FAM131B: variants seen among roughly 807,000 people sequenced by gnomAD.
FAM131B encodes the protein family with sequence similarity 131 member B.
In FAM131B, 19 loss-of-function variants were observed where a neutral mutation model predicts 42.0. The observed-to-expected ratio is 0.45, with a 90% CI of 0.32 to 0.66. FAM131B has a LOEUF of 0.66. Among genes scored for constraint, FAM131B ranks in the 30% least tolerant of loss-of-function variants. The pLI, the probability that FAM131B is intolerant of heterozygous loss-of-function variation, is 0.05. For synonymous variants in FAM131B, 183 were observed against 177.6 expected (o/e 1.03, Z -0.24); for missense variants, 370 against 468.4 (o/e 0.79, Z 1.94).
rs145725764 is a variant in FAM131B, at chr7:143,359,123, C to T, written c.269-99G>A. On this transcript the variant is annotated intron_variant, in intron 4 of 6. Coordinates refer to ENST00000443739, the MANE Select transcript of FAM131B (RefSeq NM_001031690.3). This position sits in a 1 kb window ranked among gnomAD's most constrained non-coding sequence, Gnocchi z 5.4. ...CCACCCCAGCCCCATGAGGCTCCATCCCACTGGGCCAGGCTCCCCTAAGGA... is the reference window on the plus strand; with the variant it reads ...CCACCCCAGCCCCATGAGGCTCCATTCCACTGGGCCAGGCTCCCCTAAGGA... The T allele has an allele frequency of 7.0e-6, 9 of 1,287,268 alleles. No individual in the cohort carries two copies. The East Asian group carries it at 2.3e-4, about 32-fold the overall frequency. 79.7% of individuals were successfully genotyped at this position (1,287,268 alleles called of 1,614,324 possible).
chr7:143,370,558 C>T, the FAM131B span, among the ~76,000 whole-genome samples: 19 of 152,304 alleles, frequency 1.2e-4, no homozygotes, highest in African/African-American at 3.8e-4. Flanking sequence ...CTAAAACCCG[C>T]CAAAACCGAA....
the FAM131B span, chr7:143,381,592 T>C: frequency 1.2e-6 from 2 of 1,610,952 alleles, no homozygotes; most frequent in Non-Finnish European, 1.7e-6. Flanking sequence ...CCCGCCCGTC[T>C]CCCGCGATCT....
chr7:143,380,877 A>G, the FAM131B span: 1 of 747,504 alleles, frequency 1.3e-6, no homozygotes, highest in Non-Finnish European at 1.6e-6. The surrounding 1 kb of genome is among the most constrained non-coding windows in gnomAD (Gnocchi z 5.0). Context: ...GGGACCGGGT[A>G]ACGGCAGGCC....
At position 143,360,397 on chromosome 7, in the gene FAM131B, G is replaced by A. The variant is rs1372083915; in HGVS notation, c.29-248C>T. The A allele has an allele frequency of 2.9e-6, 4 of 1,358,848 alleles. No individual in the cohort carries two copies. The East Asian group carries it at 9.0e-5, about 30-fold the overall frequency. 84.2% of individuals were successfully genotyped at this position (1,358,848 alleles called of 1,614,324 possible). A position where few individuals can be genotyped will look rare whatever the true frequency, so the allele number is the denominator to read the frequency against. On this transcript the variant is annotated intron_variant, in intron 1 of 6. Coordinates refer to ENST00000443739, the MANE Select transcript of FAM131B (RefSeq NM_001031690.3). ...TTATTTGTTGTTGTTTATGTGGAGG[G>A]GTCAGAGGTTGGGTTTTATCAGAAA...
chr7:143,381,550 A>G, the FAM131B span: 1 of 1,603,942 alleles, frequency 6.2e-7, no homozygotes, highest in Non-Finnish European at 8.5e-7. Context: ...CCGGCGACCC[A>G]CCCCAGCAGC....
upstream of FAM131B, among the ~76,000 whole-genome samples, chr7:143,363,592 T>C (rs1280158649): frequency 6.6e-6 from 1 of 151,962 alleles, no homozygotes; most frequent in Non-Finnish European, 1.5e-5. Context: ...GGGGAGGAGA[T>C]GAAGGTCTAA....
intron 5 of FAM131B, 56 bp from the exon 6 acceptor site, chr7:143,357,479 C>G: frequency 6.5e-7 from 1 of 1,532,320 alleles, no homozygotes; most frequent in Admixed American, 1.8e-5. Flanking sequence ...TAGACATGTG[C>G]GTGGGGTAGG....
chr7:143,382,144 C>T, the FAM131B span: 1 of 981,280 alleles, frequency 1.0e-6, no homozygotes, highest in South Asian at 1.6e-5. Flanking sequence ...CGCTCTGGGA[C>T]CCCTGAGAGA....
the FAM131B span, chr7:143,382,104 C>A: frequency 1.6e-6 from 1 of 615,132 alleles, no homozygotes. Context: ...ACTCCCAGGG[C>A]GCCCTGCGCC....
chr7:143,365,023 G>A (rs1158957140), upstream of FAM131B, among the ~76,000 whole-genome samples: 1 of 152,194 alleles, frequency 6.6e-6, no homozygotes, highest in East Asian at 1.9e-4. Context: ...CAAATGGAGA[G>A]ATGGCTCCAA....
At chr7:143,367,250 G>A (rs894951591), upstream of FAM131B, among the ~76,000 whole-genome samples, 8 of 152,166 alleles carry the variant, frequency 5.3e-5, no homozygotes, top group Non-Finnish European at 7.4e-5. Context: ...TGGTTTCAGC[G>A]TTGGTGGTGG....
chr7:143,381,417 G>A, the FAM131B span: 1 of 1,240,880 alleles, frequency 8.1e-7, no homozygotes, highest in Non-Finnish European at 1.0e-6. Context: ...GCGGTGAGGC[G>A]CGGGGAGCGG....
upstream of FAM131B, among the ~76,000 whole-genome samples, chr7:143,363,685 C>G (rs1033373608): frequency 1.3e-5 from 2 of 152,122 alleles, no homozygotes; most frequent in African/African-American, 4.8e-5. Flanking sequence ...GGCAAGGAGA[C>G]CCTTTTGTCT....
the FAM131B span, among the ~76,000 whole-genome samples, chr7:143,374,465 C>G: frequency 6.6e-6 from 1 of 152,230 alleles, no homozygotes; most frequent in African/African-American, 2.4e-5. Context: ...TTTTAATTGT[C>G]CTTCACACAT....
the FAM131B span, chr7:143,381,144 G>A: frequency 1.0e-6 from 1 of 965,078 alleles, no homozygotes; most frequent in Non-Finnish European, 1.2e-6. Flanking sequence ...CCTCGGCGGA[G>A]CCTCCGGCCT....
At chr7:143,363,360 T>C (rs1804086249), upstream of FAM131B, among the ~76,000 whole-genome samples, 1 of 152,004 alleles carries the variant, frequency 6.6e-6, no homozygotes, top group African/African-American at 2.4e-5. Flanking sequence ...CAGGCCTGGT[T>C]GGGGATTGGA....
chr7:143,381,340 G>A, the FAM131B span: 25 of 1,142,630 alleles, frequency 2.2e-5, no homozygotes, highest in East Asian at 4.9e-5. Context: ...GCTCCGGACC[G>A]GGACGCAGAG....
chr7:143,359,677 AGAT>A lies in FAM131B; in HGVS notation c.174+52_174+54del. 6.7e-7 allele frequency: 1 copy of A among 1,491,938 alleles called. No homozygotes were observed. Among genetic ancestry groups the A allele is most frequent in the South Asian group, 1.2e-5 (1 of 82,962 alleles). The allele number at this position is 1,491,938 out of a possible 1,614,324, so 92.4% of individuals were successfully genotyped here. ...TGCTGGTTGGAAGGTGCAAGGGAGAAGATGAGGAGGAGGAGTTCGGGAGGATGG... is the reference window on the plus strand; with the variant it reads ...TGCTGGTTGGAAGGTGCAAGGGAGAAGAGGAGGAGGAGTTCGGGAGGATGG... On this transcript the variant is annotated intron_variant, in intron 3 of 6. Coordinates refer to ENST00000443739, the MANE Select transcript of FAM131B (RefSeq NM_001031690.3). The surrounding 1 kb of genome is among the most constrained non-coding windows in gnomAD (Gnocchi z 5.4).
chr7:143,356,926 TC>T lies in FAM131B; in HGVS notation c.706del (p.Asp236IlefsTer56). On this transcript the variant is annotated frameshift_variant, in exon 7 of 7. Transcript: ENST00000443739. LOFTEE classifies it high-confidence loss of function. The surrounding 1 kb of genome is among the most constrained non-coding windows in gnomAD (Gnocchi z 4.4). ...GGCCGGAGAGGCAATGAGGGACTGA[TC>T]GCTGGCTTCCCAGGCATCTGACGAC... ...LGSSDAWEAS[D>X]QSLIASPATG... 1.9e-6 allele frequency: 3 copies of T among 1,614,040 alleles called. No homozygotes were observed. The highest frequency in any genetic ancestry group is 2.5e-6 in the Non-Finnish European group (3 of 1,180,022).
Sources: gnomAD v4.1 joint callset for allele counts (sites outside exome capture counted in the v4.1 genomes callset) on GRCh38, gnomAD v4.1.1 for gene constraint, Gnocchi (gnomAD v3.1) non-coding constraint, MANE v1.5 for transcripts, NCBI Gene and HGNC (gene_info 2026-07-23, HGNC 2026-07-21) for gene names.